The following GPSM2 variants were observed in gnomAD, a reference collection of about 807,000 sequenced individuals.
The protein encoded by GPSM2 is G protein signaling modulator 2.
Under a neutral mutation model 78.4 loss-of-function variants are expected in GPSM2, and 58 were observed. The ratio of observed to expected loss-of-function variants is 0.74; its 90% CI spans 0.60 to 0.92. The LOEUF is 0.92. Among genes scored for constraint, GPSM2 ranks in the 40% least tolerant of loss-of-function variants. The pLI, the probability that GPSM2 is intolerant of heterozygous loss-of-function variation, is 0.00. For missense variants in GPSM2, 700 were observed against 815.5 expected, an observed-to-expected ratio of 0.86 and a Z score of 1.73; for synonymous variants, 224 against 280.2, an observed-to-expected ratio of 0.80 and a Z score of 2.00.
intron 1 of GPSM2, among the ~76,000 whole-genome samples, chr1:108,882,796 TA>T (rs1337355590): frequency 1.3e-5 from 2 of 152,180 alleles, no homozygotes. Flanking sequence ...TTAATTTTTT[TA>T]TTAAGGAAAA....
Position 108,899,731 on chromosome 1 carries a change from T to A in GPSM2, c.797+737T>A, listed in dbSNP as rs17030717. 8.5e-4 allele frequency among the ~76,000 whole-genome samples: 129 copies of A among 152,308 alleles called. No individual in the cohort carries two copies. The East Asian group carries it at 0.019, about 23-fold the overall frequency. On this transcript the variant is annotated intron_variant, in intron 7 of 14. Coordinates refer to ENST00000264126, the MANE Select transcript of GPSM2 (RefSeq NM_013296.5). ...CTTACAGATTTTGGGTAGAAGGCAG[T>A]TTGACTAAACCGAAGACACAGTGAT... is the stretch of plus-strand genomic sequence containing the variant.
chr1:108,918,519 A>G (rs767742204), intron 11 of GPSM2, 94 bp from the exon 12 acceptor site: 5 of 893,240 alleles, frequency 5.6e-6, no homozygotes, highest in Non-Finnish European at 9.3e-6. Flanking sequence ...AATAGTAAAT[A>G]AGTGAGTACG....
chr1:108,895,899 G>A (rs1446093665), intron 2 of GPSM2, among the ~76,000 whole-genome samples: 3 of 152,242 alleles, frequency 2.0e-5, no homozygotes, highest in South Asian at 4.1e-4. Flanking sequence ...TATAAGTATC[G>A]TATCAAATTC....
At chr1:108,895,450 A>G (rs1168652457) in intron 2 of GPSM2, among the ~76,000 whole-genome samples, 1 of 152,200 alleles carries the variant, frequency 6.6e-6, no homozygotes, top group Non-Finnish European at 1.5e-5. Context: ...CCCCTGGGCC[A>G]CAGACCAGTA....
At chr1:108,928,418 AATT>A in intron 14 of GPSM2, among the ~76,000 whole-genome samples, 1 of 152,324 alleles carries the variant, frequency 6.6e-6, no homozygotes. Context: ...TGAAATTATC[AATT>A]TATGACAGGA....
chr1:108,929,573 GATT>G, intron 14 of GPSM2, 125 bp from the exon 15 acceptor site: 1 of 792,176 alleles, frequency 1.3e-6, no homozygotes, highest in Non-Finnish European at 2.2e-6. Context: ...TAAAAACAAA[GATT>G]AATTTCTGAG....
At chr1:108,908,897 G>A (rs112922738) in intron 10 of GPSM2, among the ~76,000 whole-genome samples, 3,697 of 149,878 alleles carry the variant, frequency 0.025, 78 homozygotes, top group South Asian at 0.058. Context: ...CCAGCTACTC[G>A]GGAAGCTGAG....
chr1:108,914,243 G>A (rs1649997514), intron 10 of GPSM2, 95 bp from the exon 11 acceptor site: 1 of 805,092 alleles, frequency 1.2e-6, no homozygotes. Flanking sequence ...ATATGGGTTT[G>A]TGTATCAGAT....
intron 14 of GPSM2, among the ~76,000 whole-genome samples, chr1:108,927,813 A>AT (rs1553217614): frequency 6.6e-6 from 1 of 152,054 alleles, no homozygotes; most frequent in Admixed American, 6.6e-5. Context: ...CTATAAAAAA[A>AT]TTTTTTTAAA....
At chr1:108,880,558 C>T (rs1457940593) in intron 1 of GPSM2, among the ~76,000 whole-genome samples, 4 of 148,870 alleles carry the variant, frequency 2.7e-5, no homozygotes, top group South Asian at 2.1e-4. Context: ...CCAGCCTGGG[C>T]GACAGAGTGA....
In GPSM2 at chr1:108,931,719, A is replaced by AACTC. The variant is rs550900729; in HGVS notation, c.*1781_*1784dup. On this transcript the variant is annotated 3_prime_UTR_variant, in exon 15 of 15. Transcript: ENST00000264126. ...ATGATGTCCTGGATAGCATTTTAAAAACTCAGGTAAGTTTCATGGGGTTCT... is the reference window on the plus strand; with the variant it reads ...ATGATGTCCTGGATAGCATTTTAAAAACTCACTCAGGTAAGTTTCATGGGGTTCT... 15 of 415,680 alleles carry AACTC rather than the reference A, an allele frequency of 3.6e-5. No individual in the cohort carries two copies. The highest frequency in any genetic ancestry group is 2.3e-4 in the African/African-American group (11 of 48,432). The allele number at this position is 415,680 out of a possible 1,614,324, so 25.7% of individuals were successfully genotyped here. A position where few individuals can be genotyped will look rare whatever the true frequency, so the allele number is the denominator to read the frequency against.
At chr1:108,902,773 C>A (rs1648919371) in intron 8 of GPSM2, among the ~76,000 whole-genome samples, 1 of 152,198 alleles carries the variant, frequency 6.6e-6, no homozygotes, top group Non-Finnish European at 1.5e-5. Flanking sequence ...TCTCTCCCTG[C>A]TGCTCAAACA....
chr1:108,932,349 C>T lies in GPSM2; in HGVS notation c.*2409C>T, dbSNP rs1198086231. On this transcript the variant is annotated 3_prime_UTR_variant, in exon 15 of 15. Transcript: ENST00000264126. Reference sequence around the variant, plus strand: ...CATATTGGCTAGTCAATAAACAAGTCTTATCTCATCTCATCTCTTTTCTGA... The same window carrying T: ...CATATTGGCTAGTCAATAAACAAGTTTTATCTCATCTCATCTCTTTTCTGA... The T allele has an allele frequency of 6.6e-6, 1 of 152,056 alleles. No individual in the cohort carries two copies. The highest frequency in any genetic ancestry group is 1.5e-5 in the Non-Finnish European group (1 of 68,008). The allele number at this position is 152,056 out of a possible 1,614,324, so 9.4% of individuals were successfully genotyped here. A position where few individuals can be genotyped will look rare whatever the true frequency, so the allele number is the denominator to read the frequency against.
At chr1:108,891,144 A>AC (rs1476603954) in intron 2 of GPSM2, among the ~76,000 whole-genome samples, 1 of 152,194 alleles carries the variant, frequency 6.6e-6, no homozygotes, top group Non-Finnish European at 1.5e-5. Context: ...TGGGTTTGTT[A>AC]CACTAGTTCC....
At chr1:108,912,290 T>G (rs1042472485) in intron 10 of GPSM2, among the ~76,000 whole-genome samples, 1 of 152,160 alleles carries the variant, frequency 6.6e-6, no homozygotes, top group Admixed American at 6.5e-5. Flanking sequence ...TTTACAGATA[T>G]AAGTAATAAG....
At chr1:108,893,457 T>G (rs1291691929) in intron 2 of GPSM2, among the ~76,000 whole-genome samples, 1 of 152,146 alleles carries the variant, frequency 6.6e-6, no homozygotes, top group Non-Finnish European at 1.5e-5. Flanking sequence ...ACTCTATTGG[T>G]GGACATTTAA....
chr1:108,891,143 TAC>T, intron 2 of GPSM2, among the ~76,000 whole-genome samples: 1 of 152,222 alleles, frequency 6.6e-6, no homozygotes, highest in African/African-American at 2.4e-5. Context: ...TTGGGTTTGT[TAC>T]ACTAGTTCCT....
chr1:108,929,944 C>T lies in GPSM2; in HGVS notation c.*4C>T. The T allele has an allele frequency of 6.2e-7, 1 of 1,611,436 alleles. No individual in the cohort carries two copies. The highest frequency in any genetic ancestry group is 1.3e-5 in the African/African-American group (1 of 74,882). ...GAAAAAATCGGCAGACCATTAGTTA[C>T]TATGGATTTATTTTTTTTCCTTTCA... On this transcript the variant is annotated 3_prime_UTR_variant, in exon 15 of 15. Transcript: ENST00000264126.
intron 2 of GPSM2, among the ~76,000 whole-genome samples, chr1:108,892,188 A>G (rs547294880): frequency 6.6e-6 from 1 of 152,350 alleles, no homozygotes; most frequent in East Asian, 1.9e-4. Flanking sequence ...CCTGAATTCC[A>G]TCATTTATTC....
Sources: gnomAD v4.1 joint callset for allele counts (sites outside exome capture counted in the v4.1 genomes callset) on GRCh38, gnomAD v4.1.1 for gene constraint, MANE v1.5 for transcripts, NCBI Gene and HGNC (gene_info 2026-07-23, HGNC 2026-07-21) for gene names.